The following ZNF385B variants were observed in gnomAD, a reference collection of about 807,000 sequenced individuals.
ZNF385B encodes the protein zinc finger protein 385B.
In ZNF385B, 23 loss-of-function variants were observed where a neutral mutation model predicts 39.2. The observed-to-expected ratio is 0.59, with a 90% CI of 0.42 to 0.83. The LOEUF is 0.83. Among genes scored for constraint, ZNF385B ranks in the 40% least tolerant of loss-of-function variants. The probability of loss-of-function intolerance (pLI) is 0.00; values close to 1 mark genes in which losing one functional copy is unlikely to be tolerated. For synonymous variants in ZNF385B, 205 were observed against 222.6 expected, an observed-to-expected ratio of 0.92 and a Z score of 0.70; for missense variants, 552 against 598.9, an observed-to-expected ratio of 0.92 and a Z score of 0.82.
chr2:179,577,200 AC>A (rs1427970550), intron 3 of ZNF385B, among the ~76,000 whole-genome samples: 2 of 152,142 alleles, frequency 1.3e-5, no homozygotes, highest in Admixed American at 6.6e-5. Context: ...TAAGCAGGCC[AC>A]CCAGGCCCAG....
chr2:179,847,222 T>C (rs1708842239), intron 1 of ZNF385B, among the ~76,000 whole-genome samples: 1 of 152,208 alleles, frequency 6.6e-6, no homozygotes, highest in South Asian at 2.1e-4. Context: ...GATAACTTTC[T>C]ACACAAAGTT....
At chr2:179,552,346 C>T (rs1574756818) in intron 3 of ZNF385B, among the ~76,000 whole-genome samples, 1 of 149,300 alleles carries the variant, frequency 6.7e-6, no homozygotes, top group Non-Finnish European at 1.5e-5. Context: ...GAAGCATTTG[C>T]AGAATGAGAT....
intron 3 of ZNF385B, among the ~76,000 whole-genome samples, chr2:179,645,490 T>A (rs964218060): frequency 3.9e-5 from 6 of 152,168 alleles, no homozygotes; most frequent in Admixed American, 1.3e-4. Flanking sequence ...ACAGGCAATA[T>A]ATTATGGGTT....
intron 3 of ZNF385B, chr2:179,584,123 T>A (rs564093961): frequency 6.4e-5 from 28 of 434,890 alleles, no homozygotes; most frequent in Middle Eastern, 7.0e-4. Flanking sequence ...TTTTTCAACC[T>A]TGGCATTAAT....
chr2:179,500,300 C>A (rs1464656902), intron 5 of ZNF385B, among the ~76,000 whole-genome samples: 1 of 151,956 alleles, frequency 6.6e-6, no homozygotes, highest in Admixed American at 6.6e-5. Context: ...GACCCAGAAT[C>A]ACCAAAGCTA....
At chr2:179,774,242 G>A (rs1029502007) in intron 1 of ZNF385B, among the ~76,000 whole-genome samples, 3 of 151,742 alleles carry the variant, frequency 2.0e-5, no homozygotes, top group African/African-American at 7.3e-5. Flanking sequence ...GGATATGTGG[G>A]TATAGTGGAG....
intron 5 of ZNF385B, among the ~76,000 whole-genome samples, chr2:179,491,532 C>T (rs1201508455): frequency 6.6e-6 from 1 of 152,068 alleles, no homozygotes; most frequent in African/African-American, 2.4e-5. Context: ...AAAATGAGTT[C>T]TCTGTCTACT....
chr2:179,602,191 G>C (rs1037904865), intron 3 of ZNF385B, among the ~76,000 whole-genome samples: 1 of 152,174 alleles, frequency 6.6e-6, no homozygotes, highest in Non-Finnish European at 1.5e-5. Flanking sequence ...CTATTTGTAT[G>C]AGCTTATTTT....
At chr2:179,736,875 C>G (rs1365605060) in intron 3 of ZNF385B, among the ~76,000 whole-genome samples, 1 of 152,138 alleles carries the variant, frequency 6.6e-6, no homozygotes, top group African/African-American at 2.4e-5. Flanking sequence ...GAGGCTGAGG[C>G]AGGAGAATCA....
chr2:179,730,605 A>G (rs1701325846), intron 3 of ZNF385B, among the ~76,000 whole-genome samples: 1 of 152,230 alleles, frequency 6.6e-6, no homozygotes, highest in African/African-American at 2.4e-5. Context: ...GCCACTAATT[A>G]ACTTCCAAAT....
intron 3 of ZNF385B, among the ~76,000 whole-genome samples, chr2:179,718,005 A>G (rs1308205010): frequency 6.6e-6 from 1 of 152,162 alleles, no homozygotes; most frequent in African/African-American, 2.4e-5. Flanking sequence ...TTTTGCTACT[A>G]AATTTCTTGG....
At chr2:179,689,809 G>A (rs1698212843) in intron 3 of ZNF385B, among the ~76,000 whole-genome samples, 1 of 129,426 alleles carries the variant, frequency 7.7e-6, no homozygotes, top group Admixed American at 7.9e-5. Context: ...GTGTGTGTGT[G>A]TGTGTGTGTG....
intron 4 of ZNF385B, chr2:179,534,660 C>G (rs2059448914): frequency 6.6e-6 from 1 of 152,084 alleles, no homozygotes; most frequent in African/African-American, 2.4e-5. Context: ...TCTTCTAACT[C>G]CTAGTCCGGT....
chr2:179,478,545 T>A (rs1456331900), intron 6 of ZNF385B, among the ~76,000 whole-genome samples: 1 of 152,222 alleles, frequency 6.6e-6, no homozygotes, highest in Non-Finnish European at 1.5e-5. Context: ...CTGGCTCAAT[T>A]ATCTTTGCTC....
intron 3 of ZNF385B, among the ~76,000 whole-genome samples, chr2:179,635,555 C>T (rs1398615947): frequency 6.6e-6 from 1 of 151,914 alleles, no homozygotes; most frequent in Non-Finnish European, 1.5e-5. Flanking sequence ...AGAAAATTAA[C>T]ATGAAATCCC....
intron 3 of ZNF385B, among the ~76,000 whole-genome samples, chr2:179,725,589 CATA>C (rs1325046307): frequency 6.6e-6 from 1 of 151,200 alleles, no homozygotes; most frequent in African/African-American, 2.4e-5. Context: ...GATATGTATT[CATA>C]ATGTTCTGTA....
intron 6 of ZNF385B, among the ~76,000 whole-genome samples, chr2:179,460,150 G>A (rs1249548652): frequency 6.6e-6 from 1 of 151,938 alleles, no homozygotes. Context: ...ATGTCTCATA[G>A]TAGTAAGTGC....
intron 3 of ZNF385B, among the ~76,000 whole-genome samples, chr2:179,603,652 C>A (rs1433336430): frequency 6.6e-6 from 1 of 152,036 alleles, no homozygotes; most frequent in African/African-American, 2.4e-5. Flanking sequence ...AGCAACAATT[C>A]TCTGAGGAAG....
chr2:179,471,071 G>C (rs965505441), intron 6 of ZNF385B, among the ~76,000 whole-genome samples: 9 of 152,114 alleles, frequency 5.9e-5, no homozygotes, highest in African/African-American at 2.2e-4. Context: ...ATTTTAAGAG[G>C]GCTGGTTCCT....
Sources: allele counts gnomAD v4.1 joint callset (sites outside exome capture counted in the v4.1 genomes callset), GRCh38; gene constraint gnomAD v4.1.1; transcripts MANE v1.5; gene names NCBI Gene and HGNC (gene_info 2026-07-23, HGNC 2026-07-21).